Variants in TMEM202 observed in about 807,000 individuals in gnomAD.
The protein encoded by TMEM202 is transmembrane protein 202.
Under a neutral mutation model 26.1 loss-of-function variants are expected in TMEM202, and 25 were observed. That is an observed-to-expected ratio of 0.96 (90% confidence interval 0.70 to 1.34). The LOEUF (loss-of-function observed/expected upper bound fraction) is 1.34. TMEM202 is among the 40% of genes most tolerant of loss of function. TMEM202 has a pLI of 0.00. For synonymous variants in TMEM202, 122 were observed against 119.0 expected (o/e 1.02, Z -0.16); for missense variants, 301 against 327.7 (o/e 0.92, Z 0.63).
At position 72,403,121 on chromosome 15, in the gene TMEM202, T is replaced by C. The variant is rs370694765; in HGVS notation, c.338-3481T>C. The stretch of plus-strand genomic sequence containing the variant: ...AACAGTAGAAGGAGATCCCGCCCAT[T>C]ATTTACAAACTGCCAAATGGTGAAC... On this transcript the variant is annotated intron_variant, in intron 2 of 4. Coordinates refer to ENST00000341689, the MANE Select transcript of TMEM202 (RefSeq NM_001080462.3). Among the ~76,000 whole-genome samples, 17 of 152,256 alleles carry C rather than the reference T, an allele frequency of 1.1e-4. No homozygotes were observed. In the East Asian group the frequency reaches 2.5e-3, roughly 23 times the overall value.
chr15:72,405,364 A>G (rs956836770), intron 2 of TMEM202, among the ~76,000 whole-genome samples: 3 of 152,186 alleles, frequency 2.0e-5, no homozygotes, highest in East Asian at 1.9e-4. Context: ...ACTTGTAATT[A>G]TAAGTTATCT....
intron 2 of TMEM202, among the ~76,000 whole-genome samples, chr15:72,400,357 T>C (rs1210329321): frequency 1.9e-4 from 29 of 152,244 alleles, no homozygotes; most frequent in Admixed American, 1.9e-3. Flanking sequence ...TAAATGATAA[T>C]GCAACTGCTA....
chr15:72,399,736 T>C (rs1179809018), intron 2 of TMEM202, among the ~76,000 whole-genome samples: 1 of 152,192 alleles, frequency 6.6e-6, no homozygotes, highest in Non-Finnish European at 1.5e-5. Flanking sequence ...TATTTTAAAA[T>C]AAGTTTTTGG....
intron 2 of TMEM202, among the ~76,000 whole-genome samples, chr15:72,402,115 G>A (rs972703684): frequency 1.3e-5 from 2 of 151,992 alleles, no homozygotes; most frequent in African/African-American, 4.8e-5. Context: ...ACAGGTGTGC[G>A]CCACTGCACC....
intron 2 of TMEM202, among the ~76,000 whole-genome samples, chr15:72,405,295 C>T (rs1396310749): frequency 2.0e-5 from 3 of 152,054 alleles, no homozygotes; most frequent in Non-Finnish European, 4.4e-5. Context: ...TAAGGAGGCA[C>T]CTTATAAGGG....
intron 2 of TMEM202, among the ~76,000 whole-genome samples, chr15:72,399,255 A>G (rs1224280023): frequency 7.2e-5 from 11 of 152,102 alleles, no homozygotes; most frequent in Admixed American, 7.2e-4. Flanking sequence ...TTCCTGTTCA[A>G]CCTCCTGAGT....
At chr15:72,406,540 C>G in intron 2 of TMEM202, 62 bp from the exon 3 acceptor site, 1 of 1,448,406 alleles carries the variant, frequency 6.9e-7, no homozygotes, top group Non-Finnish European at 9.5e-7. Context: ...TCTATCTGGC[C>G]TTTTTAAGGG....
intron 2 of TMEM202, among the ~76,000 whole-genome samples, chr15:72,402,698 G>A (rs1483642488): frequency 1.3e-5 from 2 of 152,182 alleles, no homozygotes; most frequent in East Asian, 3.8e-4. Context: ...GTTTTGCAGA[G>A]CGTGGGAAAG....
At chr15:72,403,180 C>T (rs1425773304) in intron 2 of TMEM202, among the ~76,000 whole-genome samples, 1 of 152,140 alleles carries the variant, frequency 6.6e-6, no homozygotes, top group Non-Finnish European at 1.5e-5. Context: ...GGGGATGCCA[C>T]AGAACACTAC....
chr15:72,407,979 A>G lies in TMEM202; in HGVS notation c.*86A>G. On this transcript the variant is annotated 3_prime_UTR_variant, in exon 5 of 5. Transcript: ENST00000341689. Reference sequence around the variant, plus strand: ...ACATAAATTCTGGGAAACTCTCCTAATATCATGTCCATATTACTTGAGGAG... The same window carrying G: ...ACATAAATTCTGGGAAACTCTCCTAGTATCATGTCCATATTACTTGAGGAG... The G allele has an allele frequency of 9.1e-7, 1 of 1,102,760 alleles. No individual in the cohort carries two copies. 68.3% of individuals were successfully genotyped at this position (1,102,760 alleles called of 1,614,324 possible). A position where few individuals can be genotyped will look rare whatever the true frequency, so the allele number is the denominator to read the frequency against.
At chr15:72,405,840 AT>A (rs920753525) in intron 2 of TMEM202, among the ~76,000 whole-genome samples, 1 of 152,184 alleles carries the variant, frequency 6.6e-6, no homozygotes, top group African/African-American at 2.4e-5. Context: ...AAAAACAAAA[AT>A]TAGCCAGGCA....
In TMEM202 at chr15:72,407,887, G is replaced by A. The variant is rs1567318116; in HGVS notation, c.816G>A (p.Trp272Ter). Reference protein sequence around the residue: ...REKNLPKSGLWW With the variant: ...REKNLPKSGL Reference sequence around the variant, plus strand: ...AAAATTTACCAAAGTCAGGACTGTGGTGGTGATAGGAAAACCTAACTATAG... The same window carrying A: ...AAAATTTACCAAAGTCAGGACTGTGATGGTGATAGGAAAACCTAACTATAG... The change falls in exon 5 of 5, where the codon TGG (tryptophan) becomes TGA (stop). Residue 272 changes from tryptophan (W) to a stop codon, truncating the protein, a stop_gained. Transcript: ENST00000341689. LOFTEE classifies it low-confidence loss of function (ANC_ALLELE). The A allele has an allele frequency of 2.5e-6, 4 of 1,613,050 alleles. No homozygotes were observed. Among genetic ancestry groups the A allele is most frequent in the Non-Finnish European group, 3.4e-6 (4 of 1,179,764 alleles).
At chr15:72,400,350 A>G (rs939943763) in intron 2 of TMEM202, among the ~76,000 whole-genome samples, 1 of 152,250 alleles carries the variant, frequency 6.6e-6, no homozygotes, top group Admixed American at 6.5e-5. Context: ...AGATTTTTAA[A>G]TGATAATGCA....
chr15:72,401,572 C>T (rs1351376339), intron 2 of TMEM202, among the ~76,000 whole-genome samples: 1 of 152,006 alleles, frequency 6.6e-6, no homozygotes, highest in South Asian at 2.1e-4. Context: ...ACATTAGAAT[C>T]CCGAAATTAT....
At chr15:72,407,574 A>T (rs1012354560) in intron 4 of TMEM202, 117 bp from the exon 5 acceptor site, 1 of 843,748 alleles carries the variant, frequency 1.2e-6, no homozygotes, top group African/African-American at 1.7e-5. Context: ...ACTGGGGGAG[A>T]GAGGGGTTCA....
Position 72,398,894 on chromosome 15 carries a change from C to T in TMEM202, c.323C>T (p.Thr108Ile). The change falls in exon 2 of 5, where the codon ACA (threonine) becomes ATA (isoleucine). Residue 108 changes from threonine to isoleucine, a missense_variant. Coordinates refer to ENST00000341689, the MANE Select transcript of TMEM202 (RefSeq NM_001080462.3). The stretch of plus-strand genomic sequence containing the variant: ...AACCATGAGCTGTGCTGGAGCCACA[C>T]ACCCAAGCCACCCTGTGAGTGCCAC... Reference protein sequence around the residue: ...LCNHELCWSHTPKPPYYLQYS... With the variant: ...LCNHELCWSHIPKPPYYLQYS... 1 of 1,602,820 alleles carries T rather than the reference C, an allele frequency of 6.2e-7. No individual in the cohort carries two copies. The highest frequency in any genetic ancestry group is 8.5e-7 in the Non-Finnish European group (1 of 1,171,152).
At chr15:72,399,774 T>C (rs960957580) in intron 2 of TMEM202, among the ~76,000 whole-genome samples, 3 of 152,232 alleles carry the variant, frequency 2.0e-5, no homozygotes, top group African/African-American at 7.2e-5. Context: ...GCATGAATTT[T>C]TCAATCAAAC....
At chr15:72,400,954 G>A (rs1298402304) in intron 2 of TMEM202, among the ~76,000 whole-genome samples, 1 of 152,150 alleles carries the variant, frequency 6.6e-6, no homozygotes, top group African/African-American at 2.4e-5. Context: ...GACCATATAG[G>A]GTAAATTCCT....
chr15:72,398,961 T>G (rs1056532021), intron 2 of TMEM202, 53 bp downstream of exon 2: 40 of 1,565,936 alleles, frequency 2.6e-5, no homozygotes, highest in Non-Finnish European at 3.4e-5. Flanking sequence ...CAGAGCTTTC[T>G]GCTCACACAA....
Sources: allele counts gnomAD v4.1 joint callset (sites outside exome capture counted in the v4.1 genomes callset), GRCh38; gene constraint gnomAD v4.1.1; transcripts MANE v1.5; gene names NCBI Gene and HGNC (gene_info 2026-07-23, HGNC 2026-07-21).